ASAP1: variants seen among roughly 807,000 people sequenced by gnomAD.
The protein encoded by ASAP1 is arf-GAP with SH3 domain, ANK repeat and PH domain-containing protein 1.
In ASAP1, 43 loss-of-function variants were observed where a neutral mutation model predicts 145.2. That is an observed-to-expected ratio of 0.30 (90% confidence interval 0.23 to 0.38). ASAP1 has a LOEUF of 0.38. ASAP1 is among the 10% of genes least tolerant of loss of function. The pLI is 1.00. For synonymous variants in ASAP1, 546 were observed against 515.5 expected, an observed-to-expected ratio of 1.06 and a Z score of -0.80; for missense variants, 1,018 against 1,355.3, an observed-to-expected ratio of 0.75 and a Z score of 3.91.
intron 5 of ASAP1, among the ~76,000 whole-genome samples, chr8:130,202,790 A>G (rs1158723391): frequency 6.6e-6 from 1 of 152,182 alleles, no homozygotes; most frequent in Non-Finnish European, 1.5e-5. Flanking sequence ...ACTCAATTAT[A>G]TCCAACTTCA....
intron 3 of ASAP1, among the ~76,000 whole-genome samples, chr8:130,295,399 G>A (rs1169209940): frequency 1.3e-5 from 2 of 151,920 alleles, no homozygotes; most frequent in Non-Finnish European, 2.9e-5. Context: ...AATGGAAAGA[G>A]CAGTAGTTCC....
chr8:130,408,952 C>G (rs539243630), intron 1 of ASAP1, among the ~76,000 whole-genome samples: 14 of 152,270 alleles, frequency 9.2e-5, no homozygotes, highest in Middle Eastern at 3.4e-3. Context: ...CCTGATTGTT[C>G]ATAGAGGTAA....
At chr8:130,135,589 T>C (rs907579200) in intron 14 of ASAP1, among the ~76,000 whole-genome samples, 10 of 152,242 alleles carry the variant, frequency 6.6e-5, no homozygotes, top group South Asian at 2.1e-4. Context: ...CTCTGCTTTA[T>C]TGCTGTGTGA....
At chr8:130,247,148 A>C (rs984462273) in intron 3 of ASAP1, 1 of 152,158 alleles carries the variant, frequency 6.6e-6, no homozygotes, top group Non-Finnish European at 1.5e-5. Context: ...AGGTACTGTT[A>C]ACACCTTTCT....
intron 26 of ASAP1, among the ~76,000 whole-genome samples, chr8:130,079,084 A>G (rs1481846187): frequency 2.6e-5 from 4 of 152,110 alleles, no homozygotes; most frequent in Non-Finnish European, 5.9e-5. Flanking sequence ...GGTTCCAGCT[A>G]CTCGGGAGGC....
At chr8:130,093,788 T>TA (rs5895037) in intron 24 of ASAP1, among the ~76,000 whole-genome samples, 63,587 of 149,478 alleles carry the variant, frequency 0.43, 14,201 homozygotes, top group East Asian at 0.69. Flanking sequence ...CTCTTCATAT[T>TA]AAAAAAAAAA....
intron 24 of ASAP1, among the ~76,000 whole-genome samples, chr8:130,097,126 CAAAAAAAAAAAAAAAAAAAAAAAAA>C (rs61591724): frequency 9.3e-5 from 5 of 53,592 alleles, no homozygotes; most frequent in South Asian, 9.3e-4. Flanking sequence ...AGTTAGTCTC[CAAAAAAAAAAAAAAAAAAAAAAAAA>C]AAAAAAAAAA....
chr8:130,343,008 G>C (rs1825482320), intron 3 of ASAP1, among the ~76,000 whole-genome samples: 1 of 152,172 alleles, frequency 6.6e-6, no homozygotes, highest in African/African-American at 2.4e-5. Context: ...AGCCAAAAAG[G>C]TTTTCAGCTG....
chr8:130,384,591 G>A (rs973575388), intron 2 of ASAP1, among the ~76,000 whole-genome samples: 2 of 152,166 alleles, frequency 1.3e-5, no homozygotes, highest in African/African-American at 2.4e-5. Context: ...TGATTCTTGA[G>A]CCTTGGCCTC....
intron 4 of ASAP1, among the ~76,000 whole-genome samples, chr8:130,228,374 G>A (rs1364380184): frequency 6.6e-6 from 1 of 152,094 alleles, no homozygotes; most frequent in Admixed American, 6.5e-5. Context: ...CAGATGTGCT[G>A]GGTGCTCCAA....
intron 3 of ASAP1, among the ~76,000 whole-genome samples, chr8:130,317,695 C>T (rs557896990): frequency 6.6e-6 from 1 of 152,228 alleles, no homozygotes; most frequent in African/African-American, 2.4e-5. Context: ...GCTTTGAGGC[C>T]TGGGGCTCTG....
At chr8:130,076,473 A>C in intron 26 of ASAP1, 67 bp from the exon 27 acceptor site, 6 of 1,145,858 alleles carry the variant, frequency 5.2e-6, no homozygotes, top group Non-Finnish European at 3.8e-6. Flanking sequence ...AATATTATTC[A>C]AGTAAATCAA....
At chr8:130,146,016 GT>G (rs376317332) in intron 13 of ASAP1, among the ~76,000 whole-genome samples, 265 of 123,644 alleles carry the variant, frequency 2.1e-3, no homozygotes, top group Middle Eastern at 8.0e-3. Flanking sequence ...TAAGTTTTGT[GT>G]TTTTTTTTTT....
intron 9 of ASAP1, among the ~76,000 whole-genome samples, chr8:130,169,434 G>C (rs1023658024): frequency 6.6e-6 from 1 of 152,042 alleles, no homozygotes; most frequent in African/African-American, 2.4e-5. Context: ...GGAGAGAGAA[G>C]GACACATTAA....
intron 3 of ASAP1, among the ~76,000 whole-genome samples, chr8:130,265,752 C>T (rs1014131193): frequency 6.6e-6 from 1 of 152,040 alleles, no homozygotes; most frequent in Non-Finnish European, 1.5e-5. Context: ...TGGCACAAGC[C>T]TGTGGTCCCA....
chr8:130,250,715 T>C (rs1819140423), intron 3 of ASAP1, among the ~76,000 whole-genome samples: 1 of 151,982 alleles, frequency 6.6e-6, no homozygotes. Flanking sequence ...TAAAGATGAT[T>C]ACTAAAACTG....
intron 23 of ASAP1, among the ~76,000 whole-genome samples, chr8:130,113,426 G>A (rs535071864): frequency 2.7e-4 from 41 of 152,280 alleles, no homozygotes; most frequent in African/African-American, 9.9e-4. Context: ...GGCAGACTGA[G>A]GCAGCTGCTT....
chr8:130,259,983 CT>C (rs773676635), intron 3 of ASAP1, among the ~76,000 whole-genome samples: 28 of 152,126 alleles, frequency 1.8e-4, no homozygotes, highest in Non-Finnish European at 2.6e-4. Context: ...CTTCCAAAAA[CT>C]TTAGGGAAAA....
At chr8:130,398,586 CAGTAGT>C (rs1247844506) in intron 2 of ASAP1, among the ~76,000 whole-genome samples, 2 of 151,970 alleles carry the variant, frequency 1.3e-5, no homozygotes, top group Non-Finnish European at 2.9e-5. Context: ...GTGGCAGTAG[CAGTAGT>C]AGTAGAAGTA....
Sources: gnomAD v4.1 joint callset for allele counts (sites outside exome capture counted in the v4.1 genomes callset) on GRCh38, gnomAD v4.1.1 for gene constraint, MANE v1.5 for transcripts, NCBI Gene and HGNC (gene_info 2026-07-23, HGNC 2026-07-21) for gene names.